The following AEBP2 variants were observed in gnomAD, a reference collection of about 807,000 sequenced individuals.
AEBP2 encodes the protein zinc finger protein AEBP2.
In AEBP2, 10 loss-of-function variants were observed where a neutral mutation model predicts 50.8. The ratio of observed to expected loss-of-function variants is 0.20; its 90% confidence interval spans 0.12 to 0.33. The LOEUF is 0.33. Ranked by LOEUF, AEBP2 falls within the 10% of genes least tolerant of loss-of-function variation. AEBP2 has a pLI of 1.00. For missense variants in AEBP2, 570 were observed against 688.0 expected (o/e 0.83, Z 1.92); for synonymous variants, 296 against 261.3 (o/e 1.13, Z -1.28).
intron 1 of AEBP2, among the ~76,000 whole-genome samples, chr12:19,454,074 T>C (rs1948216745): frequency 6.6e-6 from 1 of 152,060 alleles, no homozygotes; most frequent in South Asian, 2.1e-4. Flanking sequence ...TTTTTAAAAA[T>C]GGAGACGGGG....
intron 1 of AEBP2, among the ~76,000 whole-genome samples, chr12:19,429,060 T>C (rs552151752): frequency 6.6e-6 from 1 of 152,290 alleles, no homozygotes; most frequent in South Asian, 2.1e-4. Flanking sequence ...ATGTGCCATG[T>C]TGGTGTGCTG....
At chr12:19,494,651 A>G (rs972851418) in intron 4 of AEBP2, among the ~76,000 whole-genome samples, 1 of 151,960 alleles carries the variant, frequency 6.6e-6, no homozygotes, top group Non-Finnish European at 1.5e-5. Context: ...AAATGCTGGG[A>G]TTACAGGTGT....
chr12:19,472,232 T>A (rs567940892), intron 2 of AEBP2, among the ~76,000 whole-genome samples: 1 of 152,216 alleles, frequency 6.6e-6, no homozygotes, highest in East Asian at 1.9e-4. Context: ...TTTCTTGTGT[T>A]CTATATGTAT....
chr12:19,470,795 T>C (rs1948559509), intron 2 of AEBP2, among the ~76,000 whole-genome samples: 1 of 152,178 alleles, frequency 6.6e-6, no homozygotes, highest in Admixed American at 6.5e-5. Flanking sequence ...TCGAAGGAAC[T>C]AAATCTTATC....
intron 3 of AEBP2, among the ~76,000 whole-genome samples, chr12:19,491,520 TATG>T (rs1427058294): frequency 1.3e-5 from 2 of 152,220 alleles, no homozygotes; most frequent in African/African-American, 4.8e-5. Flanking sequence ...TCTAGCATAT[TATG>T]TAATACTGGA....
At chr12:19,498,833 C>A (rs888342172) in intron 4 of AEBP2, among the ~76,000 whole-genome samples, 1 of 152,082 alleles carries the variant, frequency 6.6e-6, no homozygotes, top group East Asian at 1.9e-4. Flanking sequence ...ACTGCCTACT[C>A]TATATTTGTG....
chr12:19,443,613 C>T (rs1205271398), intron 1 of AEBP2, among the ~76,000 whole-genome samples: 4 of 152,022 alleles, frequency 2.6e-5, no homozygotes, highest in Non-Finnish European at 4.4e-5. Context: ...ATCCCAGCTA[C>T]TCAGGAGGCT....
In AEBP2 at chr12:19,440,291, G is replaced by C. The variant is rs777509556; in HGVS notation, c.592G>C (p.Ala198Pro). 8 of 1,465,580 alleles carry C rather than the reference G, an allele frequency of 5.5e-6. No individual in the cohort carries two copies. The highest frequency in any genetic ancestry group is 7.2e-6 in the Non-Finnish European group (8 of 1,117,474). 90.8% of individuals were successfully genotyped at this position (1,465,580 alleles called of 1,614,324 possible). Reference sequence around the variant, plus strand: ...CGGGACTGGGGGAGGCGGAAGCAGCGCGACCTCCGGGGGCCGGCGGGGCAG... The same window carrying C: ...CGGGACTGGGGGAGGCGGAAGCAGCCCGACCTCCGGGGGCCGGCGGGGCAG... Reference protein sequence around the residue: ...GYGTGGGGSSATSGGRRGSLE... With the variant: ...GYGTGGGGSSPTSGGRRGSLE... Residue 198 changes from alanine (A) to proline (P), a missense_variant, in exon 1 of 8, where the codon GCG becomes CCG. Around this residue, in one of 2 missense-constraint regions of AEBP2, gnomAD observed 386 missense variants for 336.8 expected, o/e 1.15. Coordinates refer to ENST00000266508, the MANE Select transcript of AEBP2 (RefSeq NM_153207.5).
At chr12:19,456,718 C>A in intron 1 of AEBP2, 1 of 1,587,978 alleles carries the variant, frequency 6.3e-7, no homozygotes, top group African/African-American at 1.3e-5. Context: ...CCCACATTGT[C>A]CCCAGAAAGA....
At position 19,441,580 on chromosome 12, in the gene AEBP2, A is replaced by T. The variant is rs190683705; in HGVS notation, c.671+1210A>T. Among the ~76,000 whole-genome samples the T allele has an allele frequency of 4.2e-3, 644 of 152,344 alleles. 2 individuals carry two copies. Among genetic ancestry groups the T allele is most frequent in the African/African-American group, 0.015 (606 of 41,574 alleles). On this transcript the variant is annotated intron_variant, in intron 1 of 7. Transcript: ENST00000266508. The stretch of plus-strand genomic sequence containing the variant: ...TTAATTGATTAAAAACGAACACCTT[A>T]GTATTTAATGCTACAAGTAATACAG...
chr12:19,504,976 A>C (rs752802218), intron 5 of AEBP2, among the ~76,000 whole-genome samples: 10 of 152,228 alleles, frequency 6.6e-5, no homozygotes, highest in Admixed American at 6.5e-4. Flanking sequence ...TTTTTCTGAG[A>C]TTGGAAGACA....
intron 3 of AEBP2, among the ~76,000 whole-genome samples, chr12:19,481,092 C>CTTTTTTTTTTTTTTTTTTTTTTTTTTT (rs71067027): frequency 2.7e-5 from 2 of 74,054 alleles, no homozygotes; most frequent in African/African-American, 1.1e-4. Context: ...GCAGTGCATC[C>CTTTTTTTTTTTTTTTTTTTTTTTTTTT]TTTTTTTTTT....
intron 5 of AEBP2, among the ~76,000 whole-genome samples, chr12:19,502,652 CTTT>C (rs373049492): frequency 2.1e-5 from 3 of 142,938 alleles, no homozygotes; most frequent in Non-Finnish European, 4.6e-5. Context: ...TTTGTCTATT[CTTT>C]TTTTTTTTTT....
At position 19,493,865 on chromosome 12, in the gene AEBP2, A is replaced by T; in HGVS notation, c.1053A>T (p.Thr351=). ...GAGGGCTAGCTCGTCATGTACCCAC[A>T]CACTTCAGTCAGCAGAACTCCTCAA... ...SQGGLARHVP[T]HFSQQNSSKV... is the part of the protein sequence containing the mutation. Residue 351 remains threonine (T), a synonymous_variant, in exon 4 of 8, where the codon ACA becomes ACT. Transcript: ENST00000266508. 1 of 1,613,974 alleles carries T rather than the reference A, an allele frequency of 6.2e-7. No individual in the cohort carries two copies. The highest frequency in any genetic ancestry group is 1.1e-5 in the South Asian group (1 of 91,058).
In AEBP2 at chr12:19,471,204, G is replaced by T. The variant is rs149750657; in HGVS notation, c.880-2044G>T. Among the ~76,000 whole-genome samples, 323 of 151,940 alleles carry T rather than the reference G, an allele frequency of 2.1e-3. 1 individual carries two copies. Among genetic ancestry groups the T allele is most frequent in the African/African-American group, 5.7e-3 (236 of 41,446 alleles). ...GATTATAGCAGTTCATTGTAGCCTT[G>T]CCCTCTCCAGTGCAAGCAATTCTCC... On this transcript the variant is annotated intron_variant, in intron 2 of 7. Coordinates refer to ENST00000266508, the MANE Select transcript of AEBP2 (RefSeq NM_153207.5).
At chr12:19,473,421 A>ATT in intron 3 of AEBP2, 66 bp downstream of exon 3, 3 of 522,152 alleles carry the variant, frequency 5.7e-6, no homozygotes, top group South Asian at 7.5e-5. Context: ...TTATTTATTT[A>ATT]TGACAGAAGA....
Position 19,493,970 on chromosome 12 carries a change from A to G in AEBP2, c.1158A>G (p.Lys386=). The change falls in exon 4 of 8, where the codon AAA becomes AAG. Residue 386 remains lysine (K), a synonymous_variant. Coordinates refer to ENST00000266508, the MANE Select transcript of AEBP2 (RefSeq NM_153207.5). ...ACAAAAGGAGGAAATTAAAGAACAA[A>G]AGACGACGCTCATTACGTAAGTGTT... ...GMNKRRKLKN[K]RRRSLPRPHD... is the part of the protein sequence containing the mutation. 2 of 1,609,024 alleles carry G rather than the reference A, an allele frequency of 1.2e-6. No individual in the cohort carries two copies. The highest frequency in any genetic ancestry group is 1.7e-6 in the Non-Finnish European group (2 of 1,177,494).
At position 19,453,037 on chromosome 12, in the gene AEBP2, C is replaced by T. The variant is rs151129396; in HGVS notation, c.672-9473C>T. 1.4e-4 allele frequency among the ~76,000 whole-genome samples: 20 copies of T among 138,462 alleles called. No individual in the cohort carries two copies. In the East Asian group the frequency reaches 2.4e-3, roughly 16 times the overall value. 90.8% of individuals were successfully genotyped at this position (138,462 alleles called of 152,430 possible). On this transcript the variant is annotated intron_variant, in intron 1 of 7. Coordinates refer to ENST00000266508, the MANE Select transcript of AEBP2 (RefSeq NM_153207.5). ...CTGGAATGCAGTAGTAGCATGATCT[C>T]GGCTCATTGCAAGCTCCGCCTCCCA... is the stretch of plus-strand genomic sequence containing the variant.
upstream of AEBP2, among the ~76,000 whole-genome samples, chr12:19,436,191 G>A (rs1256300550): frequency 1.3e-5 from 2 of 152,176 alleles, no homozygotes; most frequent in Non-Finnish European, 2.9e-5. Context: ...TAATACATTA[G>A]CATGCTAAGA....
Sources: allele counts gnomAD v4.1 joint callset (sites outside exome capture counted in the v4.1 genomes callset), GRCh38; gene constraint gnomAD v4.1.1; regional missense constraint gnomAD v4.1.1; transcripts MANE v1.5; gene names NCBI Gene and HGNC (gene_info 2026-07-23, HGNC 2026-07-21).